MAST4: variants seen among roughly 807,000 people sequenced by gnomAD.
MAST4 encodes the protein microtubule associated serine/threonine kinase family member 4, also known as microtubule-associated serine/threonine-protein kinase 4.
Under a neutral mutation model 162.7 loss-of-function variants are expected in MAST4, and 89 were observed. That is an observed-to-expected ratio of 0.55 (90% CI 0.46 to 0.65). MAST4 has a LOEUF of 0.65. MAST4 is among the 30% of genes least tolerant of loss of function. The pLI is 0.00. For missense variants in MAST4, 3,153 were observed against 3,374.0 expected (o/e 0.93, Z 1.62); for synonymous variants, 1,479 against 1,361.1 (o/e 1.09, Z -1.91).
At chr5:67,004,863 T>A in intron 4 of MAST4, 7 of 632,206 alleles carry the variant, frequency 1.1e-5, no homozygotes, top group Middle Eastern at 2.5e-4. Context: ...CCATCACATT[T>A]TCTCTGGAGG....
intron 1 of MAST4, among the ~76,000 whole-genome samples, chr5:66,710,350 CT>C: frequency 6.6e-6 from 1 of 152,254 alleles, no homozygotes; most frequent in South Asian, 2.1e-4. Flanking sequence ...ACTATTTAGA[CT>C]TTTATTCTTC....
At chr5:66,886,804 G>T (rs1016174315) in intron 3 of MAST4, among the ~76,000 whole-genome samples, 2 of 150,968 alleles carry the variant, frequency 1.3e-5, no homozygotes, top group African/African-American at 4.9e-5. Flanking sequence ...TTTAGGGTAG[G>T]GTCTTCTTGC....
At chr5:66,879,597 G>A (rs1394079026) in intron 3 of MAST4, among the ~76,000 whole-genome samples, 1 of 152,094 alleles carries the variant, frequency 6.6e-6, no homozygotes, top group Non-Finnish European at 1.5e-5. Context: ...CTGTAGCCTT[G>A]ACCTCCCCAG....
intron 1 of MAST4, among the ~76,000 whole-genome samples, chr5:66,615,232 C>T (rs1579994186): frequency 6.6e-6 from 1 of 152,144 alleles, no homozygotes; most frequent in Non-Finnish European, 1.5e-5. Context: ...TCCTGGGTTA[C>T]AGGGGTTGGA....
chr5:66,845,440 G>T (rs1372634432), intron 3 of MAST4, among the ~76,000 whole-genome samples: 1 of 151,956 alleles, frequency 6.6e-6, no homozygotes, highest in Admixed American at 6.6e-5. Context: ...CAAAGGACAT[G>T]AACTCATCCT....
intron 1 of MAST4, among the ~76,000 whole-genome samples, chr5:66,634,431 C>A (rs1425773366): frequency 2.0e-5 from 3 of 152,170 alleles, no homozygotes; most frequent in African/African-American, 7.2e-5. Flanking sequence ...TGTCCATGAC[C>A]ACACAGCCAC....
At chr5:66,684,304 A>C (rs1405357576) in intron 1 of MAST4, among the ~76,000 whole-genome samples, 1 of 152,188 alleles carries the variant, frequency 6.6e-6, no homozygotes, top group Non-Finnish European at 1.5e-5. Context: ...AAAGGGAAGG[A>C]ATCTATTGTA....
At chr5:66,808,395 A>G (rs1756310506) in intron 3 of MAST4, among the ~76,000 whole-genome samples, 1 of 152,196 alleles carries the variant, frequency 6.6e-6, no homozygotes, top group Non-Finnish European at 1.5e-5. Context: ...TCAGTTTAAC[A>G]TTCATGTCAA....
At chr5:66,908,176 G>A (rs890880115) in intron 4 of MAST4, among the ~76,000 whole-genome samples, 2 of 152,296 alleles carry the variant, frequency 1.3e-5, no homozygotes, top group East Asian at 3.8e-4. Flanking sequence ...TGTATTCATC[G>A]AATAGCCAGT....
chr5:67,032,775 A>G (rs895293725), intron 4 of MAST4, among the ~76,000 whole-genome samples: 4 of 152,150 alleles, frequency 2.6e-5, no homozygotes, highest in Admixed American at 1.3e-4. Context: ...ACAGAATTCA[A>G]AACCCTTGAA....
rs1329396967 is a variant in MAST4, at chr5:67,166,904, A to G, written c.7725A>G (p.Lys2575=). Residue 2575 remains lysine (K), a synonymous_variant, in exon 29 of 29, where the codon AAA becomes AAG. Transcript: ENST00000403625. ...PAPAQPPPAR[K]QNVGRDVTKP... ...CAGCCCAGCCTCCCCCAGCTAGGAA[A>G]CAGAACGTGGGCAGAGACGTGACCA... 6.2e-7 allele frequency: 1 copy of G among 1,611,432 alleles called. No individual in the cohort carries two copies. Among genetic ancestry groups the G allele is most frequent in the South Asian group, 1.1e-5 (1 of 90,578 alleles).
At chr5:66,757,193 A>G (rs1351255271) in intron 1 of MAST4, among the ~76,000 whole-genome samples, 2 of 152,150 alleles carry the variant, frequency 1.3e-5, no homozygotes, top group Non-Finnish European at 2.9e-5. Context: ...AAGCTGAAAA[A>G]ATTTAACATC....
chr5:66,782,497 A>T (rs1185100047), intron 2 of MAST4, among the ~76,000 whole-genome samples: 1 of 152,200 alleles, frequency 6.6e-6, no homozygotes, highest in Non-Finnish European at 1.5e-5. Context: ...AAGTCCATTC[A>T]AACAACCCAC....
At position 66,922,607 on chromosome 5, in the gene MAST4, A is replaced by T. The variant is rs368363122; in HGVS notation, c.674+22625A>T. On this transcript the variant is annotated intron_variant, in intron 4 of 28. Transcript: ENST00000403625. ...AATGAAATAACTACTTGCAAAAAAA[A>T]TACTGTCTCTTCTAGTATTGCCTTT... Among the ~76,000 whole-genome samples the T allele has an allele frequency of 8.5e-5, 13 of 152,204 alleles. No individual in the cohort carries two copies. In the East Asian group the frequency reaches 1.2e-3, roughly 14 times the overall value.
intron 4 of MAST4, among the ~76,000 whole-genome samples, chr5:66,983,276 A>G (rs558345483): frequency 1.3e-5 from 2 of 152,318 alleles, no homozygotes; most frequent in African/African-American, 4.8e-5. Flanking sequence ...TTTTGGAGAC[A>G]ATAGTTAATG....
At chr5:67,061,404 T>G (rs1759582361) in intron 5 of MAST4, among the ~76,000 whole-genome samples, 1 of 152,232 alleles carries the variant, frequency 6.6e-6, no homozygotes, top group Non-Finnish European at 1.5e-5. Flanking sequence ...CCCTCTCTTT[T>G]GTTTAATTTT....
intron 1 of MAST4, among the ~76,000 whole-genome samples, chr5:66,627,190 T>G (rs1473419348): frequency 6.6e-6 from 1 of 151,882 alleles, no homozygotes; most frequent in Non-Finnish European, 1.5e-5. Flanking sequence ...CAAGGAGAAG[T>G]GCCAAGCAAA....
intron 4 of MAST4, among the ~76,000 whole-genome samples, chr5:66,909,356 C>T (rs1380173443): frequency 6.6e-6 from 1 of 152,144 alleles, no homozygotes; most frequent in African/African-American, 2.4e-5. Flanking sequence ...AGATTTAAGC[C>T]ATCTCTTCTC....
chr5:66,709,842 T>C (rs1750383269), intron 1 of MAST4, among the ~76,000 whole-genome samples: 1 of 152,182 alleles, frequency 6.6e-6, no homozygotes, highest in Non-Finnish European at 1.5e-5. Flanking sequence ...GTGGCACCTG[T>C]GGATATTAGG....
Sources: gnomAD v4.1 joint callset for allele counts (sites outside exome capture counted in the v4.1 genomes callset) on GRCh38, gnomAD v4.1.1 for gene constraint, MANE v1.5 for transcripts, NCBI Gene and HGNC (gene_info 2026-07-23, HGNC 2026-07-21) for gene names.